Variants in RYR3 observed in about 807,000 individuals in gnomAD.
The protein encoded by RYR3 is brain ryanodine receptor-calcium release channel.
Under a neutral mutation model 584.3 loss-of-function variants are expected in RYR3, and 207 were observed. That is an observed-to-expected ratio of 0.35 (90% CI 0.32 to 0.40). The LOEUF is 0.40. RYR3 is among the 10% of genes least tolerant of loss of function. The pLI, the probability that RYR3 is intolerant of heterozygous loss-of-function variation, is 1.00. For synonymous variants in RYR3, 2,416 were observed against 2,248.5 expected (o/e 1.07, Z -2.11); for missense variants, 5,616 against 6,089.2 (o/e 0.92, Z 2.59).
intron 74 of RYR3, chr15:33,816,053 C>T: frequency 2.5e-6 from 1 of 393,406 alleles, no homozygotes; most frequent in Non-Finnish European, 4.5e-6. Context: ...TCTGATTGGT[C>T]AGACTTGAAG....
chr15:33,698,086 T>C, intron 40 of RYR3, 90 bp downstream of exon 40: 1 of 851,416 alleles, frequency 1.2e-6, no homozygotes, highest in South Asian at 1.4e-5. Context: ...TGGTGTCCCT[T>C]GCCTCAGTTT....
intron 1 of RYR3, among the ~76,000 whole-genome samples, chr15:33,370,675 C>T (rs1476586333): frequency 6.6e-6 from 1 of 152,100 alleles, no homozygotes; most frequent in Non-Finnish European, 1.5e-5. Flanking sequence ...AGCTTTGGTG[C>T]AAGACAAGCA....
intron 10 of RYR3, among the ~76,000 whole-genome samples, chr15:33,557,528 G>A (rs1372586266): frequency 3.3e-5 from 5 of 152,094 alleles, no homozygotes; most frequent in Admixed American, 2.0e-4. Context: ...GGGATTACAG[G>A]CACGTACCAA....
chr15:33,824,896 G>T (rs928403398), intron 81 of RYR3, among the ~76,000 whole-genome samples: 3 of 152,206 alleles, frequency 2.0e-5, no homozygotes, highest in Non-Finnish European at 4.4e-5. Flanking sequence ...TGATCATATA[G>T]TGGTCTCATC....
intron 23 of RYR3, among the ~76,000 whole-genome samples, chr15:33,631,518 A>G (rs2061265767): frequency 6.6e-6 from 1 of 152,006 alleles, no homozygotes; most frequent in East Asian, 1.9e-4. Flanking sequence ...ACCTCACACT[A>G]ATATTGTTAG....
At chr15:33,729,055 T>A (rs762341742) in intron 47 of RYR3, 29 bp downstream of exon 47, 5 of 1,594,768 alleles carry the variant, frequency 3.1e-6, no homozygotes, top group Non-Finnish European at 4.3e-6. Context: ...AAAAAATTAT[T>A]GTTCCCATCA....
At position 33,639,262 on chromosome 15, in the gene RYR3, T is replaced by A. The variant is rs569666371; in HGVS notation, c.3556+2712T>A. Among the ~76,000 whole-genome samples the A allele has an allele frequency of 1.0e-3, 155 of 152,342 alleles. 1 individual carries two copies. The highest frequency in any genetic ancestry group is 3.7e-3 in the African/African-American group (152 of 41,570). ...TTAGGATGCTGTTTAATAATAGAAT[T>A]GTACTGTAATGTGTTAGCACATTAT... On this transcript the variant is annotated intron_variant, in intron 27 of 103. Coordinates refer to ENST00000634891, the MANE Select transcript of RYR3 (RefSeq NM_001036.6).
chr15:33,705,663 C>T lies in RYR3; in HGVS notation c.6484-1256C>T, dbSNP rs563360971. 6.6e-5 allele frequency among the ~76,000 whole-genome samples: 10 copies of T among 152,290 alleles called. No individual in the cohort carries two copies. In the South Asian group the frequency reaches 2.1e-3, roughly 32 times the overall value. On this transcript the variant is annotated intron_variant, in intron 42 of 103. Coordinates refer to ENST00000634891, the MANE Select transcript of RYR3 (RefSeq NM_001036.6). ...GATCTCGTGATAAGTGTCTGGTAAC[C>T]TGGAAGCAAAGAGACCACCACCAGT...
chr15:33,834,936 T>C, intron 86 of RYR3, 32 bp from the exon 87 acceptor site: 1 of 1,578,122 alleles, frequency 6.3e-7, no homozygotes, highest in Non-Finnish European at 8.7e-7. Context: ...TTGTGATGTT[T>C]AAGTGACATA....
In RYR3 at chr15:33,662,526, A is replaced by T. The variant is rs1224474229; in HGVS notation, c.4996A>T (p.Arg1666Trp). ...GLRTCLKPGFRFSTPCFVVTG... is the reference protein window; with the variant it reads ...GLRTCLKPGFWFSTPCFVVTG... ...GAGAACATGTCTCAAGCCCGGGTTC[A>T]GGTTCTCCACCCCTTGCTTTGTTGT... is the stretch of plus-strand genomic sequence containing the variant. Residue 1666 changes from arginine to tryptophan, a missense_variant, in exon 35 of 104, where the codon AGG (arginine) becomes TGG (tryptophan). Physicochemically the swap from Arg to Trp is moderately radical, Grantham distance 101. This residue lies in a region of RYR3 where 753 missense variants were observed against 741.0 expected (regional missense o/e 1.02). Coordinates refer to ENST00000634891, the MANE Select transcript of RYR3 (RefSeq NM_001036.6). 3.7e-6 allele frequency: 6 copies of T among 1,614,038 alleles called. No individual in the cohort carries two copies. In the South Asian group the frequency reaches 6.6e-5, roughly 18 times the overall value.
At chr15:33,467,608 T>A in intron 1 of RYR3, 1 of 318,096 alleles carries the variant, frequency 3.1e-6, no homozygotes, top group Non-Finnish European at 4.5e-6. Flanking sequence ...CCTGTGACAA[T>A]GTGAAATCTA....
At chr15:33,425,516 C>T (rs941519936) in intron 1 of RYR3, among the ~76,000 whole-genome samples, 3 of 152,086 alleles carry the variant, frequency 2.0e-5, no homozygotes, top group Non-Finnish European at 4.4e-5. Flanking sequence ...AAGAGGGAGA[C>T]CACAATAGGT....
chr15:33,746,807 T>C (rs1290551231), intron 53 of RYR3, among the ~76,000 whole-genome samples: 98 of 150,294 alleles, frequency 6.5e-4, no homozygotes, highest in African/African-American at 2.2e-3. Context: ...TTTCTTCTTT[T>C]TTTTTTTTTT....
chr15:33,436,678 G>T (rs932885866), intron 1 of RYR3, among the ~76,000 whole-genome samples: 7 of 149,258 alleles, frequency 4.7e-5, no homozygotes, highest in Admixed American at 1.3e-4. Flanking sequence ...TTTTTTTTTT[G>T]TATTTTTAGT....
At chr15:33,530,088 G>A (rs758850875) in intron 3 of RYR3, among the ~76,000 whole-genome samples, 3 of 152,156 alleles carry the variant, frequency 2.0e-5, no homozygotes, top group African/African-American at 4.8e-5. Flanking sequence ...GCCATCTCTC[G>A]TTGGTGAGAT....
intron 43 of RYR3, among the ~76,000 whole-genome samples, chr15:33,712,555 A>T (rs1261132368): frequency 3.9e-5 from 6 of 152,226 alleles, no homozygotes; most frequent in Non-Finnish European, 8.8e-5. Flanking sequence ...AATTTGTAGG[A>T]TAGAAATCAA....
At chr15:33,659,345 C>T (rs1024430023) in intron 32 of RYR3, among the ~76,000 whole-genome samples, 3 of 152,212 alleles carry the variant, frequency 2.0e-5, no homozygotes, top group African/African-American at 7.2e-5. Context: ...CCATGTGCCA[C>T]GTGTCTTTGG....
chr15:33,685,474 T>C (rs1454404280), intron 38 of RYR3, among the ~76,000 whole-genome samples: 4 of 152,150 alleles, frequency 2.6e-5, no homozygotes, highest in Non-Finnish European at 4.4e-5. Flanking sequence ...CAAAGAGACT[T>C]AGACTCCCAC....
chr15:33,652,890 G>A lies in RYR3; in HGVS notation c.4308+7G>A, dbSNP rs149247828. ...ACTGGGCACCTGCTACCAGGTAAGG[G>A]CGGCTTCTGGGGCCGAAACAGGGCT... On this transcript the variant is annotated splice_region_variant and intron_variant, in intron 32 of 103. Transcript: ENST00000634891. 8.1e-5 allele frequency: 130 copies of A among 1,602,668 alleles called. 1 individual carries two copies. In the East Asian group the frequency reaches 2.8e-3, roughly 35 times the overall value.
Sources: allele counts gnomAD v4.1 joint callset (sites outside exome capture counted in the v4.1 genomes callset), GRCh38; gene constraint gnomAD v4.1.1; regional missense constraint gnomAD v4.1.1; transcripts MANE v1.5; gene names NCBI Gene and HGNC (gene_info 2026-07-23, HGNC 2026-07-21).